RBFOX1: variants seen among roughly 807,000 people sequenced by gnomAD.
RBFOX1 encodes RNA binding protein fox-1 homolog 1.
A neutral mutation model predicts 57.7 loss-of-function variants in RBFOX1; 8 were observed. The ratio of observed to expected loss-of-function variants is 0.14; its 90% CI spans 0.08 to 0.25. The LOEUF (loss-of-function observed/expected upper bound fraction) is 0.25. Among genes scored for constraint, RBFOX1 ranks in the 10% least tolerant of loss-of-function variants. RBFOX1 has a pLI of 1.00. For synonymous variants in RBFOX1, 326 were observed against 222.4 expected, an observed-to-expected ratio of 1.47 and a Z score of -4.15; for missense variants, 611 against 548.5, an observed-to-expected ratio of 1.11 and a Z score of -1.14.
chr16:6,245,526 C>G (rs886562775), intron 1 of RBFOX1, among the ~76,000 whole-genome samples: 1 of 152,150 alleles, frequency 6.6e-6, no homozygotes, highest in African/African-American at 2.4e-5. Context: ...AGGGATACCA[C>G]GGTCTGCAGT....
intron 2 of RBFOX1, among the ~76,000 whole-genome samples, chr16:6,628,859 T>C (rs901879645): frequency 6.9e-6 from 1 of 144,756 alleles, no homozygotes; most frequent in Non-Finnish European, 1.6e-5. Flanking sequence ...TGAAACCCCG[T>C]GTCTACTGAA....
chr16:6,961,881 G>C (rs11865424), intron 3 of RBFOX1, among the ~76,000 whole-genome samples: 93,052 of 151,996 alleles, frequency 0.61, 28,606 homozygotes, highest in Non-Finnish European at 0.63. Context: ...GTGGGTTTTA[G>C]CTGGCTTCTT....
chr16:5,981,949 C>A (rs898238356), intron 4 of RBFOX1, among the ~76,000 whole-genome samples: 1 of 152,202 alleles, frequency 6.6e-6, no homozygotes, highest in African/African-American at 2.4e-5. Context: ...ACTATGCAGT[C>A]CCAAAGGTCA....
chr16:5,660,475 A>T (rs146102655), intron 3 of RBFOX1, among the ~76,000 whole-genome samples: 4 of 152,154 alleles, frequency 2.6e-5, no homozygotes, highest in Admixed American at 2.0e-4. Flanking sequence ...TATCAATGCA[A>T]TGTGAGTCAT....
At chr16:6,285,935 G>T (rs1263448037) in intron 1 of RBFOX1, among the ~76,000 whole-genome samples, 1 of 152,170 alleles carries the variant, frequency 6.6e-6, no homozygotes, top group Non-Finnish European at 1.5e-5. Flanking sequence ...GAGGCTTCTT[G>T]TGTAAAAGTG....
intron 3 of RBFOX1, among the ~76,000 whole-genome samples, chr16:6,996,541 A>G (rs186939815): frequency 1.2e-4 from 19 of 152,312 alleles, no homozygotes; most frequent in African/African-American, 4.6e-4. Flanking sequence ...TGTAGTTACT[A>G]TTGTAAGTGC....
At chr16:5,539,004 G>A (rs976601997) in intron 2 of RBFOX1, among the ~76,000 whole-genome samples, 2 of 152,198 alleles carry the variant, frequency 1.3e-5, no homozygotes, top group Non-Finnish European at 2.9e-5. Context: ...ACACAAGGAT[G>A]GCTTTAGGAG....
chr16:5,509,196 G>C (rs2043490375), intron 2 of RBFOX1, among the ~76,000 whole-genome samples: 1 of 152,220 alleles, frequency 6.6e-6, no homozygotes, highest in Non-Finnish European at 1.5e-5. Context: ...CCACATGCAG[G>C]GTGGTGCAAG....
At chr16:7,073,172 C>A (rs1251376766) in intron 4 of RBFOX1, among the ~76,000 whole-genome samples, 3 of 152,170 alleles carry the variant, frequency 2.0e-5, no homozygotes, top group Non-Finnish European at 4.4e-5. Flanking sequence ...CAACATCTGG[C>A]TATGGGCTGT....
chr16:7,556,578 C>G (rs1036955018), intron 5 of RBFOX1, among the ~76,000 whole-genome samples: 3 of 152,254 alleles, frequency 2.0e-5, no homozygotes, highest in African/African-American at 7.2e-5. Flanking sequence ...TTTCAACATT[C>G]TCTTTTGGAT....
intron 2 of RBFOX1, among the ~76,000 whole-genome samples, chr16:5,483,260 TG>T (rs2151648458): frequency 6.6e-6 from 1 of 152,318 alleles, no homozygotes; most frequent in African/African-American, 2.4e-5. Flanking sequence ...GTAGCAAGGA[TG>T]GCAGACATGT....
intron 3 of RBFOX1, among the ~76,000 whole-genome samples, chr16:5,759,508 C>T (rs1597133902): frequency 6.6e-6 from 1 of 152,200 alleles, no homozygotes; most frequent in Admixed American, 6.5e-5. Flanking sequence ...TCAGGCTCAC[C>T]TTCAGCCCAT....
chr16:5,259,125 T>G (rs185227629), intron 1 of RBFOX1, among the ~76,000 whole-genome samples: 1 of 152,108 alleles, frequency 6.6e-6, no homozygotes, highest in African/African-American at 2.4e-5. Flanking sequence ...TTGGAAATAG[T>G]GCACATGGAG....
chr16:7,627,024 G>T (rs1203675916), intron 10 of RBFOX1, among the ~76,000 whole-genome samples: 1 of 151,954 alleles, frequency 6.6e-6, no homozygotes, highest in Non-Finnish European at 1.5e-5. Context: ...CAAGATAAGA[G>T]CATAGTGTAG....
chr16:7,437,027 G>C (rs888716983), intron 4 of RBFOX1, among the ~76,000 whole-genome samples: 14 of 152,194 alleles, frequency 9.2e-5, no homozygotes, highest in Non-Finnish European at 2.1e-4. Flanking sequence ...ATTGCAGTAA[G>C]CCAAGATCAC....
At chr16:7,377,972 G>A (rs572613674) in intron 4 of RBFOX1, among the ~76,000 whole-genome samples, 2 of 126,222 alleles carry the variant, frequency 1.6e-5, no homozygotes, top group South Asian at 2.7e-4. Context: ...GGGAGGTATG[G>A]AGAGGAAGAG....
At chr16:5,925,293 T>C (rs978933483) in intron 4 of RBFOX1, among the ~76,000 whole-genome samples, 2 of 152,192 alleles carry the variant, frequency 1.3e-5, no homozygotes, top group African/African-American at 2.4e-5. Flanking sequence ...CAAAATGCTG[T>C]CTACCCATAC....
At chr16:7,228,709 G>A (rs1273669812) in intron 4 of RBFOX1, among the ~76,000 whole-genome samples, 2 of 152,170 alleles carry the variant, frequency 1.3e-5, no homozygotes, top group African/African-American at 4.8e-5. Context: ...AATTCAGGAC[G>A]ACGTGAAAGA....
At chr16:7,114,644 G>A (rs749926477) in intron 4 of RBFOX1, among the ~76,000 whole-genome samples, 20 of 152,142 alleles carry the variant, frequency 1.3e-4, no homozygotes, top group Admixed American at 5.2e-4. Context: ...TTCTTCCTGG[G>A]CTGAGAAGTG....
Sources: allele counts gnomAD v4.1 joint callset (sites outside exome capture counted in the v4.1 genomes callset), GRCh38; gene constraint gnomAD v4.1.1; transcripts MANE v1.5; gene names NCBI Gene and HGNC (gene_info 2026-07-23, HGNC 2026-07-21).